The following NRG4 variants were observed in gnomAD, a reference collection of about 807,000 sequenced individuals.
NRG4 encodes neuregulin 4.
A neutral mutation model predicts 15.0 loss-of-function variants in NRG4; 10 were observed. The observed-to-expected ratio is 0.67, with a 90% CI of 0.41 to 1.13. The LOEUF (loss-of-function observed/expected upper bound fraction) is 1.13. Among genes scored for constraint, NRG4 ranks in the 50% most tolerant of loss-of-function variants. NRG4 has a pLI of 0.00. For missense variants in NRG4, 139 were observed against 140.2 expected (o/e 0.99, Z 0.04); for synonymous variants, 41 against 50.1 (o/e 0.82, Z 0.77).
intron 3 of NRG4, among the ~76,000 whole-genome samples, chr15:75,962,815 C>T (rs1435537084): frequency 6.6e-6 from 1 of 152,164 alleles, no homozygotes; most frequent in Non-Finnish European, 1.5e-5. Flanking sequence ...AAATAAAAAA[C>T]ACTTTAATAT....
intron 4 of NRG4, among the ~76,000 whole-genome samples, chr15:76,037,568 C>T (rs562963532): frequency 6.6e-6 from 1 of 152,178 alleles, no homozygotes; most frequent in Non-Finnish European, 1.5e-5. Flanking sequence ...AGCAAGCTTC[C>T]TCATTGTGGG....
downstream of NRG4, chr15:75,939,612 C>T (rs1409984561): frequency 2.0e-5 from 3 of 152,116 alleles, no homozygotes; most frequent in Admixed American, 2.0e-4. Context: ...ACCAGTTATT[C>T]CTTATGATCG....
chr15:76,056,970 G>C (rs2036166154), exon 2 of NRG4: 1 of 152,146 alleles, frequency 6.6e-6, no homozygotes, highest in Non-Finnish European at 1.5e-5. Flanking sequence ...AGGTATCTTG[G>C]TATGAGAGAG....
intron 2 of NRG4, among the ~76,000 whole-genome samples, chr15:76,054,899 T>C (rs2141970337): frequency 6.6e-6 from 1 of 152,336 alleles, no homozygotes; most frequent in East Asian, 1.9e-4. Flanking sequence ...TACACCTCTT[T>C]TCTTGATTTC....
At chr15:76,000,983 T>A (rs2034393130) in intron 3 of NRG4, among the ~76,000 whole-genome samples, 1 of 151,336 alleles carries the variant, frequency 6.6e-6, no homozygotes, top group Non-Finnish European at 1.5e-5. Context: ...AAATTTTTCT[T>A]AATTATTTTT....
chr15:75,997,303 T>C lies in NRG4; in HGVS notation c.104+11897A>G, dbSNP rs115046571. On this transcript the variant is annotated intron_variant, in intron 3 of 5. Coordinates refer to ENST00000394907, the MANE Select transcript of NRG4 (RefSeq NM_138573.4). ...ATATATATTGCAAAGATATTCTTCA[T>C]AGAATTTCATCTCATCATCTTCTTA... Among the ~76,000 whole-genome samples the C allele has an allele frequency of 2.5e-3, 379 of 152,250 alleles. 3 individuals are homozygous for C. Among genetic ancestry groups the C allele is most frequent in the African/African-American group, 8.7e-3 (360 of 41,552 alleles).
At chr15:75,967,751 C>T (rs1417836497) in intron 3 of NRG4, among the ~76,000 whole-genome samples, 2 of 152,106 alleles carry the variant, frequency 1.3e-5, no homozygotes, top group Non-Finnish European at 2.9e-5. Context: ...TGTGAGCCAA[C>T]GTGCCTGGCC....
chr15:75,970,777 A>G (rs946960142), intron 3 of NRG4, among the ~76,000 whole-genome samples: 1 of 152,260 alleles, frequency 6.6e-6, no homozygotes, highest in African/African-American at 2.4e-5. Flanking sequence ...GGATGCAGGG[A>G]TAGGTGAAGA....
intron 3 of NRG4, among the ~76,000 whole-genome samples, chr15:75,966,767 C>G (rs1260884720): frequency 6.6e-6 from 1 of 152,022 alleles, no homozygotes; most frequent in African/African-American, 2.4e-5. Context: ...ATGGAAAAAA[C>G]AAATCAAAAA....
At chr15:75,997,162 T>G (rs1361740833) in intron 3 of NRG4, among the ~76,000 whole-genome samples, 1 of 152,138 alleles carries the variant, frequency 6.6e-6, no homozygotes, top group South Asian at 2.1e-4. Flanking sequence ...GTAACATTTC[T>G]GTACAAAATT....
At chr15:76,019,082 G>A (rs983455615) in intron 5 of NRG4, among the ~76,000 whole-genome samples, 27 of 152,186 alleles carry the variant, frequency 1.8e-4, no homozygotes, top group African/African-American at 5.8e-4. Flanking sequence ...TTGCTGAGCT[G>A]CGGTGGGCTC....
intron 3 of NRG4, among the ~76,000 whole-genome samples, chr15:76,002,231 A>G (rs2034441383): frequency 6.6e-6 from 1 of 152,212 alleles, no homozygotes; most frequent in Admixed American, 6.5e-5. Flanking sequence ...AGATACTTGC[A>G]TTGTTCAGGA....
chr15:76,010,898 C>T (rs1468268364), intron 2 of NRG4, among the ~76,000 whole-genome samples: 1 of 152,028 alleles, frequency 6.6e-6, no homozygotes, highest in African/African-American at 2.4e-5. Context: ...CTCATCTAAC[C>T]TGAATCATTA....
chr15:75,994,531 C>T (rs2034139761), intron 3 of NRG4, among the ~76,000 whole-genome samples: 1 of 152,202 alleles, frequency 6.6e-6, no homozygotes, highest in Admixed American at 6.5e-5. Context: ...TCTCCAGTTT[C>T]TTCAAATAGT....
chr15:76,019,848 A>G (rs2035099292), intron 5 of NRG4, among the ~76,000 whole-genome samples: 1 of 152,164 alleles, frequency 6.6e-6, no homozygotes, highest in Admixed American at 6.5e-5. Context: ...GGCAATTTTT[A>G]CATAGCTATA....
chr15:76,042,201 T>C (rs532076543), intron 4 of NRG4, among the ~76,000 whole-genome samples: 2 of 152,114 alleles, frequency 1.3e-5, no homozygotes, highest in Admixed American at 6.5e-5. Flanking sequence ...GAGAAGTTTA[T>C]AGCTATAAGC....
At chr15:75,966,382 A>G (rs1243755023) in intron 3 of NRG4, among the ~76,000 whole-genome samples, 1 of 152,206 alleles carries the variant, frequency 6.6e-6, no homozygotes, top group Non-Finnish European at 1.5e-5. Flanking sequence ...TAAGACTGTG[A>G]AATCAAAATA....
chr15:76,009,419 C>T, intron 2 of NRG4, 126 bp from the exon 3 acceptor site: 1 of 541,904 alleles, frequency 1.8e-6, no homozygotes, highest in Non-Finnish European at 3.2e-6. Flanking sequence ...AATTTTTTTT[C>T]TCAAAATGAA....
At chr15:75,946,782 G>T (rs1417732020) in intron 5 of NRG4, among the ~76,000 whole-genome samples, 1 of 152,166 alleles carries the variant, frequency 6.6e-6, no homozygotes, top group African/African-American at 2.4e-5. Flanking sequence ...CCTATTCTAG[G>T]TGCCTTGTAT....
Sources: allele counts gnomAD v4.1 joint callset (sites outside exome capture counted in the v4.1 genomes callset), GRCh38; gene constraint gnomAD v4.1.1; transcripts MANE v1.5; gene names NCBI Gene and HGNC (gene_info 2026-07-23, HGNC 2026-07-21).